Variants in PPHLN1 observed in about 807,000 individuals in gnomAD.
PPHLN1 encodes the protein periphilin 1.
PPHLN1 carries 29 observed loss-of-function variants against 51.3 expected under a neutral mutation model. The ratio of observed to expected loss-of-function variants is 0.57; its 90% CI spans 0.42 to 0.77. PPHLN1 has a LOEUF of 0.77. Ranked by LOEUF, PPHLN1 falls within the 30% of genes least tolerant of loss-of-function variation. The pLI, the probability that PPHLN1 is intolerant of heterozygous loss-of-function variation, is 0.00. For missense variants in PPHLN1, 436 were observed against 438.4 expected (o/e 0.99, Z 0.05); for synonymous variants, 147 against 147.8 (o/e 0.99, Z 0.04).
chr12:42,352,372 T>C (rs896870849), intron 3 of PPHLN1, among the ~76,000 whole-genome samples: 24 of 151,932 alleles, frequency 1.6e-4, no homozygotes, highest in African/African-American at 5.8e-4. Context: ...TAATAAGTGA[T>C]GAGCAGGTGG....
chr12:42,402,763 T>C (rs771831540), intron 9 of PPHLN1, among the ~76,000 whole-genome samples: 1 of 152,238 alleles, frequency 6.6e-6, no homozygotes, highest in Admixed American at 6.5e-5. Context: ...TGTCAGTCAG[T>C]AATTAGTATT....
At position 42,348,276 on chromosome 12, in the gene PPHLN1, ATTTTT is replaced by A. The variant is rs1213561958; in HGVS notation, c.73-3588_73-3584del. On this transcript the variant is annotated intron_variant, in intron 2 of 9. Transcript: ENST00000358314. ...CAGGCATGCACACCTCACCTGGCTAATTTTTTTTTTTTTTTTTTTTTTTTTAGTAG... is the reference window on the plus strand; with the variant it reads ...CAGGCATGCACACCTCACCTGGCTAATTTTTTTTTTTTTTTTTTTTAGTAG... Among the ~76,000 whole-genome samples the A allele has an allele frequency of 8.2e-5, 7 of 85,604 alleles. No individual in the cohort carries two copies. In the East Asian group the frequency reaches 1.4e-3, roughly 17 times the overall value. 56.2% of individuals were successfully genotyped at this position (85,604 alleles called of 152,430 possible). A position where few individuals can be genotyped will look rare whatever the true frequency, so the allele number is the denominator to read the frequency against.
intron 9 of PPHLN1, among the ~76,000 whole-genome samples, chr12:42,417,443 A>G (rs2080493142): frequency 6.6e-6 from 1 of 152,174 alleles, no homozygotes; most frequent in African/African-American, 2.4e-5. Context: ...TCCTATCAGC[A>G]GTTGGATTTC....
chr12:42,442,600 A>G (rs777409334), downstream of PPHLN1: 1 of 1,612,666 alleles, frequency 6.2e-7, no homozygotes, highest in Non-Finnish European at 8.5e-7. Context: ...TACACAAAAT[A>G]CCTGCGTCTG....
downstream of PPHLN1, chr12:42,446,693 A>G (rs1405116857): frequency 3.2e-6 from 5 of 1,551,436 alleles, no homozygotes; most frequent in African/African-American, 2.7e-5. Context: ...AAAAAACAGA[A>G]AAGGGGTGAT....
intron 4 of PPHLN1, chr12:42,361,830 C>T (rs2138465510): frequency 6.6e-6 from 1 of 152,304 alleles, no homozygotes. Flanking sequence ...AATAATGCTA[C>T]AGTGAACATT....
At chr12:42,395,545 G>A (rs1339811389) in intron 8 of PPHLN1, among the ~76,000 whole-genome samples, 2 of 151,962 alleles carry the variant, frequency 1.3e-5, no homozygotes, top group Non-Finnish European at 2.9e-5. Context: ...TCAGGCTATT[G>A]TTAAATAGTT....
intron 4 of PPHLN1, among the ~76,000 whole-genome samples, chr12:42,366,206 A>G (rs1221077905): frequency 1.3e-5 from 2 of 151,072 alleles, no homozygotes; most frequent in Non-Finnish European, 2.9e-5. Context: ...TTTTACAGCT[A>G]ACCACTAGTA....
At position 42,375,144 on chromosome 12, in the gene PPHLN1, C is replaced by T. The variant is rs17091127; in HGVS notation, c.511+70C>T. 5,040 of 1,193,778 alleles carry T rather than the reference C, an allele frequency of 4.2e-3. 186 individuals are homozygous for T. In the East Asian group the frequency reaches 0.077, roughly 18 times the overall value. 73.9% of individuals were successfully genotyped at this position (1,193,778 alleles called of 1,614,324 possible). A position where few individuals can be genotyped will look rare whatever the true frequency, so the allele number is the denominator to read the frequency against. ...GATGAGAATGTACTGAGTCAGATTT[C>T]CTTCTAGGTGTAAGAGATTTATTTT... On this transcript the variant is annotated intron_variant, in intron 5 of 9. Coordinates refer to ENST00000358314, the MANE Select transcript of PPHLN1 (RefSeq NM_201439.2).
At chr12:42,392,311 G>A (rs1024841874) in intron 7 of PPHLN1, among the ~76,000 whole-genome samples, 6 of 152,268 alleles carry the variant, frequency 3.9e-5, no homozygotes, top group Admixed American at 2.6e-4. Flanking sequence ...TTTAGTTTAT[G>A]AGTTGGGATA....
chr12:42,407,749 C>G (rs1189387380), intron 9 of PPHLN1, among the ~76,000 whole-genome samples: 1 of 152,070 alleles, frequency 6.6e-6, no homozygotes, highest in Non-Finnish European at 1.5e-5. Context: ...TTTATAATAC[C>G]TAATGCAATG....
Position 42,441,737 on chromosome 12 carries a change from C to T in PPHLN1, c.*228C>T, listed in dbSNP as rs2082984112. On this transcript the variant is annotated 3_prime_UTR_variant, in exon 10 of 10. Transcript: ENST00000358314. ...GGTTCACCATGTTGGCCAGGCTAGT[C>T]TCTAACTCCTGGCCTCAAGTGATCT... is the stretch of plus-strand genomic sequence containing the variant. 1.7e-6 allele frequency: 2 copies of T among 1,160,586 alleles called. No individual in the cohort carries two copies. The highest frequency in any genetic ancestry group is 4.1e-5 in the Admixed American group (1 of 24,666). The allele number at this position is 1,160,586 out of a possible 1,614,324, so 71.9% of individuals were successfully genotyped here. A position where few individuals can be genotyped will look rare whatever the true frequency, so the allele number is the denominator to read the frequency against.
intron 9 of PPHLN1, among the ~76,000 whole-genome samples, chr12:42,415,172 T>C (rs1416562850): frequency 6.6e-6 from 1 of 152,188 alleles, no homozygotes; most frequent in African/African-American, 2.4e-5. Context: ...TTTTTGTTTT[T>C]ATTTATTTGT....
rs920515775 is a variant in PPHLN1, at chr12:42,375,525, T to A, written c.511+451T>A. Among the ~76,000 whole-genome samples, 4 of 152,004 alleles carry A rather than the reference T, an allele frequency of 2.6e-5. No individual in the cohort carries two copies. In the South Asian group the frequency reaches 8.3e-4, roughly 32 times the overall value. On this transcript the variant is annotated intron_variant, in intron 5 of 9. Coordinates refer to ENST00000358314, the MANE Select transcript of PPHLN1 (RefSeq NM_201439.2). Reference sequence around the variant, plus strand: ...CGGGGTTTCACCATGTTGGTCAGGCTGGTCTCAAACTCCTGATCTCGTGAT... The same window carrying A: ...CGGGGTTTCACCATGTTGGTCAGGCAGGTCTCAAACTCCTGATCTCGTGAT...
intron 2 of PPHLN1, chr12:42,347,120 A>T (rs1261116811): frequency 6.6e-6 from 1 of 152,242 alleles, no homozygotes; most frequent in Non-Finnish European, 1.5e-5. Flanking sequence ...GGCATGAACC[A>T]GGCCAGAATG....
At chr12:42,404,528 TCAACAACAA>T (rs143140913) in intron 9 of PPHLN1, among the ~76,000 whole-genome samples, 27 of 150,892 alleles carry the variant, frequency 1.8e-4, no homozygotes, top group Non-Finnish European at 1.0e-4. Context: ...AAACTCCGTC[TCAACAACAA>T]CAACAACAAC....
intron 2 of PPHLN1, among the ~76,000 whole-genome samples, chr12:42,341,967 GCT>G (rs550212941): frequency 5.1e-4 from 77 of 152,236 alleles, no homozygotes; most frequent in African/African-American, 1.7e-3. Context: ...TTTATAAGGG[GCT>G]TTCACAGAAA....
At chr12:42,350,218 C>G (rs1200494338) in intron 2 of PPHLN1, 2 of 156,030 alleles carry the variant, frequency 1.3e-5, no homozygotes, top group Non-Finnish European at 2.8e-5. Context: ...GGGTGGTCGC[C>G]GGGCAGAGGC....
downstream of PPHLN1, chr12:42,445,995 A>G (rs749889552): frequency 3.3e-6 from 5 of 1,520,462 alleles, no homozygotes; most frequent in East Asian, 1.2e-4. Flanking sequence ...TTCCAGCACG[A>G]CGCATCAAAC....
Sources: gnomAD v4.1 joint callset for allele counts (sites outside exome capture counted in the v4.1 genomes callset) on GRCh38, gnomAD v4.1.1 for gene constraint, MANE v1.5 for transcripts, NCBI Gene and HGNC (gene_info 2026-07-23, HGNC 2026-07-21) for gene names.